Variants in TAFA2 observed in about 807,000 individuals in gnomAD.
The protein encoded by TAFA2 is chemokine-like protein TAFA-2.
In TAFA2, 7 loss-of-function variants were observed where a neutral mutation model predicts 18.8. That is an observed-to-expected ratio of 0.37 (90% CI 0.21 to 0.70). The LOEUF is 0.70. Ranked by LOEUF, TAFA2 falls within the 30% of genes least tolerant of loss-of-function variation. The pLI, the probability that TAFA2 is intolerant of heterozygous loss-of-function variation, is 0.53. For missense variants in TAFA2, 122 were observed against 158.1 expected, an observed-to-expected ratio of 0.77 and a Z score of 1.23; for synonymous variants, 60 against 54.2, an observed-to-expected ratio of 1.11 and a Z score of -0.47.
chr12:62,242,684 T>C (rs944517669), intron 1 of TAFA2: 1 of 152,242 alleles, frequency 6.6e-6, no homozygotes, highest in Non-Finnish European at 1.5e-5. Context: ...TGTCCATGAC[T>C]GATAATCTAG....
chr12:61,859,529 C>T lies in TAFA2; in HGVS notation c.106+7791G>A, dbSNP rs368129684. Among the ~76,000 whole-genome samples the T allele has an allele frequency of 3.4e-4, 52 of 152,300 alleles. 1 individual carries two copies. In the South Asian group the frequency reaches 9.9e-3, roughly 29 times the overall value. ...CGTGATCTCGGCTCACTGCAACCTCCGCCTACAGGGCTCAAGCGATTCTTC... is the reference window on the plus strand; with the variant it reads ...CGTGATCTCGGCTCACTGCAACCTCTGCCTACAGGGCTCAAGCGATTCTTC... On this transcript the variant is annotated intron_variant, in intron 2 of 4. Transcript: ENST00000416284.
intron 2 of TAFA2, among the ~76,000 whole-genome samples, chr12:61,788,449 G>A (rs1356065434): frequency 1.3e-5 from 2 of 151,672 alleles, no homozygotes; most frequent in East Asian, 3.9e-4. Context: ...TATAACATAT[G>A]TTAGGCCACA....
intron 2 of TAFA2, among the ~76,000 whole-genome samples, chr12:61,850,843 T>G (rs952176264): frequency 6.6e-6 from 1 of 152,158 alleles, no homozygotes; most frequent in Non-Finnish European, 1.5e-5. Context: ...ATGACATTTC[T>G]TCAATATAAT....
chr12:62,147,316 GTGTATGTATGTATATA>G (rs1278867301), intron 1 of TAFA2, among the ~76,000 whole-genome samples: 1,054 of 45,272 alleles, frequency 0.023, 30 homozygotes, highest in African/African-American at 0.046. Flanking sequence ...GTGTGTGTGT[GTGTATGTATGTATATA>G]TATATATATA....
chr12:61,990,791 T>G (rs948358053), intron 1 of TAFA2, among the ~76,000 whole-genome samples: 2 of 152,208 alleles, frequency 1.3e-5, no homozygotes, highest in African/African-American at 4.8e-5. Flanking sequence ...ACATTCTAAC[T>G]GCTTGAATCC....
At chr12:62,094,742 T>G (rs1426324406) in intron 1 of TAFA2, among the ~76,000 whole-genome samples, 1 of 145,366 alleles carries the variant, frequency 6.9e-6, no homozygotes, top group Non-Finnish European at 1.5e-5. Context: ...TAGCTTCATT[T>G]TACACATAAA....
intron 2 of TAFA2, among the ~76,000 whole-genome samples, chr12:61,851,198 T>G (rs1031909676): frequency 6.6e-6 from 1 of 151,788 alleles, no homozygotes; most frequent in Non-Finnish European, 1.5e-5. Context: ...ATGTAAAGAG[T>G]GCAAGGGGCC....
At position 61,856,282 on chromosome 12, in the gene TAFA2, G is replaced by T. The variant is rs569683864; in HGVS notation, c.106+11038C>A. The stretch of plus-strand genomic sequence containing the variant: ...GAATGTAAAATTTAAACTACTGACT[G>T]TTAATTATTTATAAAGAGCTCTTAT... On this transcript the variant is annotated intron_variant, in intron 2 of 4. Coordinates refer to ENST00000416284, the MANE Select transcript of TAFA2 (RefSeq NM_178539.5). 9.3e-4 allele frequency among the ~76,000 whole-genome samples: 141 copies of T among 151,914 alleles called. 1 individual carries two copies. The highest frequency in any genetic ancestry group is 5.4e-3 in the South Asian group (26 of 4,820).
intron 2 of TAFA2, among the ~76,000 whole-genome samples, chr12:61,789,482 G>T (rs979667346): frequency 2.6e-5 from 4 of 151,728 alleles, no homozygotes; most frequent in Non-Finnish European, 4.4e-5. Flanking sequence ...ATAAGTGGGA[G>T]CTGAGCAATG....
At chr12:61,743,247 G>A (rs7969697) in intron 4 of TAFA2, among the ~76,000 whole-genome samples, 302 of 151,928 alleles carry the variant, frequency 2.0e-3, no homozygotes, top group African/African-American at 6.7e-3. Context: ...ACAACTCTGC[G>A]AATTTCTGTT....
chr12:62,196,609 CACA>C (rs911162543), upstream of TAFA2, among the ~76,000 whole-genome samples: 16 of 152,256 alleles, frequency 1.1e-4, no homozygotes, highest in East Asian at 3.9e-4. Flanking sequence ...GTCAGAACCA[CACA>C]ACATTTATTA....
At chr12:61,875,858 T>C (rs1194138564) in intron 1 of TAFA2, among the ~76,000 whole-genome samples, 2 of 151,548 alleles carry the variant, frequency 1.3e-5, no homozygotes, top group Non-Finnish European at 3.0e-5. Context: ...TGTAGATCTG[T>C]AAACAATTCA....
chr12:62,137,368 C>T (rs1351797837), intron 1 of TAFA2, among the ~76,000 whole-genome samples: 1 of 152,126 alleles, frequency 6.6e-6, no homozygotes, highest in African/African-American at 2.4e-5. Flanking sequence ...TCACAAGAAC[C>T]CTGGGAGCTA....
chr12:62,042,861 A>C (rs1881801576), intron 1 of TAFA2, among the ~76,000 whole-genome samples: 1 of 152,026 alleles, frequency 6.6e-6, no homozygotes, highest in Non-Finnish European at 1.5e-5. Context: ...CTGTGTGGTG[A>C]CCATTCCTTG....
chr12:61,977,133 T>G (rs1400145145), intron 1 of TAFA2, among the ~76,000 whole-genome samples: 1 of 152,034 alleles, frequency 6.6e-6, no homozygotes, highest in Non-Finnish European at 1.5e-5. Context: ...ACAAAACATA[T>G]TGCAGCATTT....
intron 1 of TAFA2, among the ~76,000 whole-genome samples, chr12:61,881,767 T>A (rs1054282997): frequency 6.6e-6 from 1 of 152,196 alleles, no homozygotes; most frequent in Non-Finnish European, 1.5e-5. Context: ...TCATCATTTT[T>A]AAATGTTATC....
At position 61,930,065 on chromosome 12, in the gene TAFA2, TTGA is replaced by T. The variant is rs1209218304; in HGVS notation, c.-1-62642_-1-62640del. 5.3e-5 allele frequency among the ~76,000 whole-genome samples: 8 copies of T among 151,400 alleles called. No individual in the cohort carries two copies. The South Asian group carries it at 1.7e-3, about 32-fold the overall frequency. ...GGTCTACCTAATGCTAAATGACGAG[TTGA>T]TGGGCGCAGCACACCAACATGGCAC... On this transcript the variant is annotated intron_variant, in intron 1 of 4. Transcript: ENST00000416284.
chr12:61,777,251 G>C (rs1447704443), intron 2 of TAFA2, among the ~76,000 whole-genome samples: 3 of 151,852 alleles, frequency 2.0e-5, no homozygotes, highest in Non-Finnish European at 2.9e-5. Context: ...GTGTGGCTTT[G>C]AGCAAGGTAC....
At chr12:61,962,779 T>C (rs1878933107) in intron 1 of TAFA2, among the ~76,000 whole-genome samples, 1 of 152,012 alleles carries the variant, frequency 6.6e-6, no homozygotes, top group Non-Finnish European at 1.5e-5. Context: ...CTTTAAGTTC[T>C]GGGGTACATG....
Sources: gnomAD v4.1 joint callset for allele counts (sites outside exome capture counted in the v4.1 genomes callset) on GRCh38, gnomAD v4.1.1 for gene constraint, MANE v1.5 for transcripts, NCBI Gene and HGNC (gene_info 2026-07-23, HGNC 2026-07-21) for gene names.